TRPC4: variants seen among roughly 807,000 people sequenced by gnomAD.
TRPC4 encodes short transient receptor potential channel 4.
Under a neutral mutation model 99.4 loss-of-function variants are expected in TRPC4, and 49 were observed. The observed-to-expected ratio is 0.49, with a 90% CI of 0.39 to 0.63. The LOEUF is 0.63. Among genes scored for constraint, TRPC4 ranks in the 20% least tolerant of loss-of-function variants. The pLI is 0.00. For missense variants in TRPC4, 898 were observed against 1,152.9 expected, an observed-to-expected ratio of 0.78 and a Z score of 3.20; for synonymous variants, 454 against 425.9, an observed-to-expected ratio of 1.07 and a Z score of -0.81.
chr13:37,811,477 C>G (rs1034051301), intron 1 of TRPC4, among the ~76,000 whole-genome samples: 2 of 152,044 alleles, frequency 1.3e-5, no homozygotes, highest in East Asian at 1.9e-4. Flanking sequence ...TCAGGTGGAG[C>G]CTTTCAAACT....
intron 3 of TRPC4, among the ~76,000 whole-genome samples, chr13:37,723,654 A>G (rs1954945047): frequency 6.6e-6 from 1 of 152,142 alleles, no homozygotes; most frequent in Admixed American, 6.5e-5. Flanking sequence ...AGCTTAAGCA[A>G]TCCTCTGCCT....
At chr13:37,708,962 C>T (rs1954380373) in intron 3 of TRPC4, among the ~76,000 whole-genome samples, 1 of 151,828 alleles carries the variant, frequency 6.6e-6, no homozygotes, top group South Asian at 2.1e-4. Flanking sequence ...GATTTACATA[C>T]TCTCTTTATT....
intron 6 of TRPC4, among the ~76,000 whole-genome samples, chr13:37,658,219 T>A (rs1474064967): frequency 1.3e-5 from 2 of 152,174 alleles, no homozygotes; most frequent in Admixed American, 6.6e-5. Flanking sequence ...TCCAAGATAA[T>A]GCTACAATTT....
intron 2 of TRPC4, among the ~76,000 whole-genome samples, chr13:37,771,723 T>A (rs1005148020): frequency 6.6e-6 from 1 of 151,670 alleles, no homozygotes; most frequent in African/African-American, 2.4e-5. Flanking sequence ...TTATTAAATT[T>A]AGCCAACATT....
At chr13:37,738,219 A>G (rs1408767007) in intron 3 of TRPC4, among the ~76,000 whole-genome samples, 1 of 152,198 alleles carries the variant, frequency 6.6e-6, no homozygotes, top group Non-Finnish European at 1.5e-5. Flanking sequence ...GGAAGCCATA[A>G]TAGAATAAGG....
At chr13:37,695,300 A>T (rs1953869590) in intron 3 of TRPC4, among the ~76,000 whole-genome samples, 1 of 149,756 alleles carries the variant, frequency 6.7e-6, no homozygotes, top group African/African-American at 2.5e-5. Context: ...CTTTACTCCA[A>T]CTCCCTCTGA....
chr13:37,802,032 A>G (rs1009354152), intron 1 of TRPC4, among the ~76,000 whole-genome samples: 3 of 152,070 alleles, frequency 2.0e-5, no homozygotes, highest in Admixed American at 1.3e-4. Context: ...CAAACACACT[A>G]ATTAATTTTA....
At chr13:37,771,923 T>C (rs1956559906) in intron 2 of TRPC4, among the ~76,000 whole-genome samples, 1 of 151,674 alleles carries the variant, frequency 6.6e-6, no homozygotes, top group Admixed American at 6.6e-5. Context: ...GTATATAGCA[T>C]GGAGACAATA....
At chr13:37,782,631 A>G (rs1956868992) in intron 2 of TRPC4, among the ~76,000 whole-genome samples, 1 of 152,094 alleles carries the variant, frequency 6.6e-6, no homozygotes, top group Non-Finnish European at 1.5e-5. Flanking sequence ...ACACATACAC[A>G]TAAAGTTACG....
At chr13:37,683,052 G>A (rs751734162) in intron 4 of TRPC4, among the ~76,000 whole-genome samples, 1 of 151,494 alleles carries the variant, frequency 6.6e-6, no homozygotes, top group Non-Finnish European at 1.5e-5. Context: ...TACAGGCGTC[G>A]GCAGCCCAGC....
intron 1 of TRPC4, among the ~76,000 whole-genome samples, chr13:37,794,005 A>C (rs552718585): frequency 1.3e-5 from 2 of 152,288 alleles, no homozygotes; most frequent in South Asian, 4.1e-4. Flanking sequence ...AGTTCTGAAT[A>C]TTTATTTAAC....
intron 2 of TRPC4, among the ~76,000 whole-genome samples, chr13:37,770,582 A>G (rs1956522526): frequency 6.6e-6 from 1 of 151,600 alleles, no homozygotes; most frequent in South Asian, 2.1e-4. Context: ...CTAGATCTAT[A>G]CTTTCTTAAG....
intron 8 of TRPC4, among the ~76,000 whole-genome samples, chr13:37,651,042 T>C (rs905694718): frequency 6.6e-6 from 1 of 152,194 alleles, no homozygotes; most frequent in African/African-American, 2.4e-5. Context: ...GCGGGACTTC[T>C]ATTAAAATAG....
intron 1 of TRPC4, among the ~76,000 whole-genome samples, chr13:37,809,586 G>A (rs1312154324): frequency 6.6e-6 from 1 of 151,876 alleles, no homozygotes; most frequent in African/African-American, 2.4e-5. Context: ...TCTCAAGAGA[G>A]TGTAGACACA....
At chr13:37,770,920 C>A (rs1956535065) in intron 2 of TRPC4, among the ~76,000 whole-genome samples, 2 of 151,604 alleles carry the variant, frequency 1.3e-5, no homozygotes, top group African/African-American at 4.8e-5. Flanking sequence ...ATTTTACCAT[C>A]TTCACAGAAA....
chr13:37,864,045 C>G (rs894655427), intron 1 of TRPC4, among the ~76,000 whole-genome samples: 6 of 151,690 alleles, frequency 4.0e-5, no homozygotes, highest in African/African-American at 1.4e-4. Flanking sequence ...TTTTCATAAT[C>G]TGATTTGTAA....
intron 1 of TRPC4, among the ~76,000 whole-genome samples, chr13:37,850,019 G>A (rs1484059924): frequency 6.6e-6 from 1 of 152,188 alleles, no homozygotes; most frequent in African/African-American, 2.4e-5. Flanking sequence ...CTCACAGGCA[G>A]TTTTGAATGA....
chr13:37,770,944 G>C (rs1305543042), intron 2 of TRPC4, among the ~76,000 whole-genome samples: 1 of 151,512 alleles, frequency 6.6e-6, no homozygotes, highest in Non-Finnish European at 1.5e-5. Flanking sequence ...AATGGTACTT[G>C]TCTATATCTT....
chr13:37,760,281 C>T (rs1038817167), intron 2 of TRPC4, among the ~76,000 whole-genome samples: 2 of 151,888 alleles, frequency 1.3e-5, no homozygotes, highest in African/African-American at 4.8e-5. Context: ...AGCATTTCAC[C>T]ATTAAACTTT....
Sources: allele counts gnomAD v4.1 joint callset (sites outside exome capture counted in the v4.1 genomes callset), GRCh38; gene constraint gnomAD v4.1.1; transcripts MANE v1.5; gene names NCBI Gene and HGNC (gene_info 2026-07-23, HGNC 2026-07-21).